The following TRIM67 variants were observed in gnomAD, a reference collection of about 807,000 sequenced individuals.
TRIM67 encodes tripartite motif containing 67.
TRIM67 carries 39 observed loss-of-function variants against 71.0 expected under a neutral mutation model. That is an observed-to-expected ratio of 0.55 (90% CI 0.43 to 0.72). TRIM67 has a LOEUF of 0.72. TRIM67 is among the 30% of genes least tolerant of loss of function. The pLI is 0.00. For missense variants in TRIM67, 973 were observed against 1,079.2 expected (o/e 0.90, Z 1.38); for synonymous variants, 481 against 473.9 (o/e 1.01, Z -0.19).
At chr1:231,177,039 G>A (rs2102721992) in intron 1 of TRIM67, among the ~76,000 whole-genome samples, 1 of 152,216 alleles carries the variant, frequency 6.6e-6, no homozygotes, top group South Asian at 2.1e-4. Flanking sequence ...AGGAGGAAAA[G>A]GGCAGGGATA....
intron 5 of TRIM67, among the ~76,000 whole-genome samples, chr1:231,202,786 G>A (rs113975737): frequency 3.2e-4 from 48 of 152,302 alleles, no homozygotes; most frequent in African/African-American, 1.1e-3. Flanking sequence ...TAAATGACAC[G>A]CAGTGCTGAG....
intron 1 of TRIM67, chr1:231,184,577 G>C (rs1683003494): frequency 5.8e-6 from 1 of 171,114 alleles, no homozygotes; most frequent in African/African-American, 2.4e-5. Flanking sequence ...TCAGGGTGAA[G>C]GCAGTGGTAC....
chr1:231,186,530 G>T (rs1683080663), intron 1 of TRIM67, among the ~76,000 whole-genome samples: 1 of 152,158 alleles, frequency 6.6e-6, no homozygotes, highest in South Asian at 2.1e-4. Context: ...CTCTCTCCCA[G>T]CTCCTTGTAG....
At chr1:231,178,075 A>G (rs755696251) in intron 1 of TRIM67, among the ~76,000 whole-genome samples, 2 of 152,182 alleles carry the variant, frequency 1.3e-5, no homozygotes, top group Non-Finnish European at 2.9e-5. Context: ...AGGGCCCCAT[A>G]TTGAAAAGAG....
intron 7 of TRIM67, among the ~76,000 whole-genome samples, chr1:231,207,506 C>G (rs1025754904): frequency 2.6e-5 from 4 of 152,222 alleles, no homozygotes; most frequent in Non-Finnish European, 5.9e-5. Context: ...TCTGCTCCCC[C>G]AGGTGTGGCC....
chr1:231,194,082 C>CGGAT (rs1202381398), intron 1 of TRIM67, among the ~76,000 whole-genome samples: 1 of 152,228 alleles, frequency 6.6e-6, no homozygotes, highest in Non-Finnish European at 1.5e-5. Context: ...ACACTTCTAG[C>CGGAT]CTCCAGAACT....
chr1:231,218,361 A>T lies in TRIM67; in HGVS notation c.*2921A>T. On this transcript the variant is annotated 3_prime_UTR_variant, in exon 10 of 10. Transcript: ENST00000366653. ...ATCTATCAAGCAGTTTCAGTGAAAA[A>T]GGAATTCAAAGTAGTTTAAAAATGT... 1.0e-6 allele frequency: 1 copy of T among 986,168 alleles called. No individual in the cohort carries two copies. The highest frequency in any genetic ancestry group is 1.2e-6 in the Non-Finnish European group (1 of 830,412). 61.1% of individuals were successfully genotyped at this position (986,168 alleles called of 1,614,324 possible). A position where few individuals can be genotyped will look rare whatever the true frequency, so the allele number is the denominator to read the frequency against.
At position 231,219,587 on chromosome 1, in the gene TRIM67, C is replaced by T; in HGVS notation, c.*4147C>T. 2 of 1,126,914 alleles carry T rather than the reference C, an allele frequency of 1.8e-6. No individual in the cohort carries two copies. The highest frequency in any genetic ancestry group is 7.3e-5 in the East Asian group (1 of 13,728). 69.8% of individuals were successfully genotyped at this position (1,126,914 alleles called of 1,614,324 possible). A position where few individuals can be genotyped will look rare whatever the true frequency, so the allele number is the denominator to read the frequency against. ...TTGAATTTTCACTCACTGAAGATGC[C>T]CCCTGCCCGCTCCCCACTTCCTAGA... is the stretch of plus-strand genomic sequence containing the variant. On this transcript the variant is annotated 3_prime_UTR_variant, in exon 10 of 10. Coordinates refer to ENST00000366653, the MANE Select transcript of TRIM67 (RefSeq NM_001004342.5).
In TRIM67 at chr1:231,219,324, G is replaced by A. The variant is rs524331; in HGVS notation, c.*3884G>A. On this transcript the variant is annotated 3_prime_UTR_variant, in exon 10 of 10. Transcript: ENST00000366653. ...CAAAAGTATCTGTCGACATTGCTAG[G>A]TATCTCCTGGGGGCCTCCACAAGTT... 369,145 of 984,600 alleles carry A rather than the reference G, an allele frequency of 0.37. 70,061 individuals are homozygous for A. The highest frequency in any genetic ancestry group is 0.55 in the East Asian group (4,883 of 8,810). 61.0% of individuals were successfully genotyped at this position (984,600 alleles called of 1,614,324 possible).
At chr1:231,201,073 A>C (rs1683507127) in intron 4 of TRIM67, among the ~76,000 whole-genome samples, 1 of 152,222 alleles carries the variant, frequency 6.6e-6, no homozygotes, top group Non-Finnish European at 1.5e-5. Context: ...GTATTTAAAA[A>C]GCATCTTGCA....
Position 231,204,134 on chromosome 1 carries a change from A to G in TRIM67, c.1680+122A>G, listed in dbSNP as rs1683631299. The G allele has an allele frequency of 2.1e-6, 3 of 1,415,284 alleles. No individual in the cohort carries two copies. In the African/African-American group the frequency reaches 4.2e-5, roughly 20 times the overall value. The allele number at this position is 1,415,284 out of a possible 1,614,324, so 87.7% of individuals were successfully genotyped here. On this transcript the variant is annotated intron_variant, in intron 6 of 9. Transcript: ENST00000366653. ...CATTGTGTTGCCATCCTGAGGGGACACTGGCCAAAAGGATAAAGAAGGCTG... is the reference window on the plus strand; with the variant it reads ...CATTGTGTTGCCATCCTGAGGGGACGCTGGCCAAAAGGATAAAGAAGGCTG...
Position 231,218,278 on chromosome 1 carries a change from T to C in TRIM67, c.*2838T>C. 1.0e-6 allele frequency: 1 copy of C among 987,954 alleles called. No homozygotes were observed. 61.2% of individuals were successfully genotyped at this position (987,954 alleles called of 1,614,324 possible). ...TCATGGTGGCACATTTGTACATACA[T>C]ATAAATGATATCAAGATGAGGCTTT... On this transcript the variant is annotated 3_prime_UTR_variant, in exon 10 of 10. Transcript: ENST00000366653.
In TRIM67 at chr1:231,219,982, G is replaced by A; in HGVS notation, c.*4542G>A. On this transcript the variant is annotated 3_prime_UTR_variant, in exon 10 of 10. Coordinates refer to ENST00000366653, the MANE Select transcript of TRIM67 (RefSeq NM_001004342.5). Reference sequence around the variant, plus strand: ...GCTTTAATAGTGATTCATGGTATGAGTGGGGGCCAATCTCTTATCCTTTCT... The same window carrying A: ...GCTTTAATAGTGATTCATGGTATGAATGGGGGCCAATCTCTTATCCTTTCT... 7.8e-7 allele frequency: 1 copy of A among 1,286,732 alleles called. No homozygotes were observed. The highest frequency in any genetic ancestry group is 1.0e-6 in the Non-Finnish European group (1 of 986,096). 79.7% of individuals were successfully genotyped at this position (1,286,732 alleles called of 1,614,324 possible).
At position 231,203,944 on chromosome 1, in the gene TRIM67, C is replaced by A. The variant is rs752304977; in HGVS notation, c.1612C>A (p.Pro538Thr). The A allele has an allele frequency of 6.2e-7, 1 of 1,613,996 alleles. No homozygotes were observed. The highest frequency in any genetic ancestry group is 1.3e-5 in the African/African-American group (1 of 75,062). Reference protein sequence around the residue: ...NSVTLAWRMPPFTHSPVDGYI... With the variant: ...NSVTLAWRMPTFTHSPVDGYI... ...CGTCACGCTGGCCTGGAGGATGCCA[C>A]CCTTCACCCACAGCCCCGTGGACGG... Residue 538 changes from proline to threonine, a missense_variant, in exon 6 of 10, where the codon CCC becomes ACC. By Grantham distance (38) the Pro-to-Thr change is conservative. Coordinates refer to ENST00000366653, the MANE Select transcript of TRIM67 (RefSeq NM_001004342.5).
intron 1 of TRIM67, among the ~76,000 whole-genome samples, chr1:231,177,851 G>T (rs2102722811): frequency 6.6e-6 from 1 of 152,252 alleles, no homozygotes; most frequent in Non-Finnish European, 1.5e-5. Context: ...ACCCATCAGA[G>T]CATCTGACAC....
rs1383375328 is a variant in TRIM67 at position 231,215,549 on chromosome 1, G to T, written c.*109G>T. 3 of 1,447,240 alleles carry T rather than the reference G, an allele frequency of 2.1e-6. No individual in the cohort carries two copies. In the African/African-American group the frequency reaches 4.2e-5, roughly 20 times the overall value. 89.6% of individuals were successfully genotyped at this position (1,447,240 alleles called of 1,614,324 possible). A position where few individuals can be genotyped will look rare whatever the true frequency, so the allele number is the denominator to read the frequency against. On this transcript the variant is annotated 3_prime_UTR_variant, in exon 10 of 10. Coordinates refer to ENST00000366653, the MANE Select transcript of TRIM67 (RefSeq NM_001004342.5). ...ACAAAAGCAGGATATGCAAATCATG[G>T]GTGCAACCTGGCAGCGTGGAGTGTC...
Position 231,163,021 on chromosome 1 carries a change from A to G in TRIM67, c.52A>G (p.Ile18Val), listed in dbSNP as rs766879853. ...PVCGSLFREP[I>V]ILPCSHNVCL... ...GTGCGGCTCTCTGTTTCGGGAGCCT[A>G]TCATCCTGCCCTGTTCCCACAATGT... The change falls in exon 1 of 10, where the codon ATC becomes GTC. Residue 18 changes from isoleucine (I) to valine (V), a missense_variant. This residue lies in a region of TRIM67 where 795 missense variants were observed against 831.3 expected (regional missense o/e 0.96). Transcript: ENST00000366653. 22 of 1,612,804 alleles carry G rather than the reference A, an allele frequency of 1.4e-5. No homozygotes were observed. The highest frequency in any genetic ancestry group is 6.7e-5 in the East Asian group (3 of 44,818).
At chr1:231,184,067 A>G (rs1218984379) in intron 1 of TRIM67, 1 of 152,178 alleles carries the variant, frequency 6.6e-6, no homozygotes, top group African/African-American at 2.4e-5. Flanking sequence ...CTGGCCTCGA[A>G]TAGGGTGTTA....
chr1:231,174,053 C>T (rs1040023742), intron 1 of TRIM67, among the ~76,000 whole-genome samples: 1 of 152,076 alleles, frequency 6.6e-6, no homozygotes, highest in Non-Finnish European at 1.5e-5. Context: ...CTCTTTCTCT[C>T]TCTCATCCTT....
Sources: gnomAD v4.1 joint callset for allele counts (sites outside exome capture counted in the v4.1 genomes callset) on GRCh38, gnomAD v4.1.1 for gene constraint, gnomAD v4.1.1 regional missense constraint, MANE v1.5 for transcripts, NCBI Gene and HGNC (gene_info 2026-07-23, HGNC 2026-07-21) for gene names.